The following COL21A1 variants were observed in gnomAD, a reference collection of about 807,000 sequenced individuals.
COL21A1 encodes the protein collagen type XXI alpha 1 chain.
A neutral mutation model predicts 137.9 loss-of-function variants in COL21A1; 149 were observed. That is an observed-to-expected ratio of 1.08 (90% CI 0.95 to 1.24). The LOEUF is 1.24. Among genes scored for constraint, COL21A1 ranks in the 50% most tolerant of loss-of-function variants. The pLI is 0.00. For synonymous variants in COL21A1, 456 were observed against 391.5 expected (o/e 1.16, Z -1.95); for missense variants, 1,167 against 1,158.4 (o/e 1.01, Z -0.11).
chr6:56,218,757 A>T (rs1481128048), intron 1 of COL21A1, among the ~76,000 whole-genome samples: 1 of 152,088 alleles, frequency 6.6e-6, no homozygotes, highest in Non-Finnish European at 1.5e-5. Flanking sequence ...CAACACCAAC[A>T]ACGCATTTGG....
In COL21A1 at chr6:56,181,903, G is replaced by A. The variant is rs547197019; in HGVS notation, c.88+628C>T. ...ATGAATTAAACTATAGAAGTGTTAA[G>A]CAAGCTTTAAATATTATTGTATTAA... On this transcript the variant is annotated intron_variant, in intron 2 of 29. Transcript: ENST00000244728. Among the ~76,000 whole-genome samples the A allele has an allele frequency of 1.4e-4, 21 of 152,220 alleles. No homozygotes were observed. The East Asian group carries it at 4.1e-3, about 29-fold the overall frequency.
chr6:56,176,904 AGGGGAGGAAG>A (rs1237388395), intron 3 of COL21A1, among the ~76,000 whole-genome samples: 32 of 97,492 alleles, frequency 3.3e-4, no homozygotes, highest in African/African-American at 8.1e-4. Context: ...AAGGGAGGAA[AGGGGAGGAAG>A]GGGGAGGAAG....
chr6:56,139,780 A>T (rs1342568952), intron 12 of COL21A1, among the ~76,000 whole-genome samples: 1 of 152,110 alleles, frequency 6.6e-6, no homozygotes, highest in Non-Finnish European at 1.5e-5. Context: ...GAGGTAAGGA[A>T]CTTTATTCAG....
chr6:56,235,224 T>C (rs983406771), intron 1 of COL21A1, among the ~76,000 whole-genome samples: 2 of 151,882 alleles, frequency 1.3e-5, no homozygotes, highest in East Asian at 1.9e-4. Flanking sequence ...GAAATAGCTA[T>C]GAATAGCAAT....
intron 1 of COL21A1, among the ~76,000 whole-genome samples, chr6:56,346,337 T>G (rs1765597121): frequency 6.6e-6 from 1 of 152,236 alleles, no homozygotes; most frequent in South Asian, 2.1e-4. Flanking sequence ...GGTGGATTGA[T>G]ACAGCATGTA....
intron 27 of COL21A1, 44 bp from the exon 28 acceptor site, chr6:56,060,262 A>G (rs766702190): frequency 1.3e-4 from 186 of 1,431,758 alleles, no homozygotes; most frequent in Non-Finnish European, 1.7e-4. Context: ...TTAAATGGTG[A>G]GTTGGTGTTA....
intron 17 of COL21A1, among the ~76,000 whole-genome samples, chr6:56,096,853 A>G (rs1769365943): frequency 1.3e-5 from 2 of 152,190 alleles, no homozygotes; most frequent in African/African-American, 4.8e-5. Context: ...CATTTATTAC[A>G]ACTACTTAAA....
At chr6:56,114,623 A>ATGGTGT (rs1771747419) in intron 16 of COL21A1, among the ~76,000 whole-genome samples, 1 of 151,866 alleles carries the variant, frequency 6.6e-6, no homozygotes, top group Non-Finnish European at 1.5e-5. Context: ...CCACAATGAG[A>ATGGTGT]TACCATCTCA....
At chr6:56,122,857 C>A (rs998913053) in intron 16 of COL21A1, among the ~76,000 whole-genome samples, 1 of 152,116 alleles carries the variant, frequency 6.6e-6, no homozygotes, top group Non-Finnish European at 1.5e-5. Flanking sequence ...AGATAGGTAA[C>A]ATTTACTCTA....
chr6:56,098,925 C>T (rs1195596767), intron 17 of COL21A1, among the ~76,000 whole-genome samples: 2 of 149,958 alleles, frequency 1.3e-5, no homozygotes, highest in African/African-American at 4.9e-5. Flanking sequence ...CCGTGTTAGC[C>T]AGGATGGTCT....
rs772631267 is a variant in COL21A1, at chr6:56,170,686, C to A, written c.989G>T (p.Gly330Val). Residue 330 changes from glycine to valine, a missense_variant, in exon 5 of 30, where the codon GGC becomes GTC. Gly to Val is a moderately radical substitution (Grantham distance 109, BLOSUM62 -3). Coordinates refer to ENST00000244728, the MANE Select transcript of COL21A1 (RefSeq NM_030820.4). ...GTTAGCAAAGGTAACCACTTGTGAG[C>A]CATTAATTACGCTGGTTGTTGTAAA... is the stretch of plus-strand genomic sequence containing the variant. ...LLFTTTSVIN[G>V]SQVVTFANPQ... 6.2e-7 allele frequency: 1 copy of A among 1,602,880 alleles called. No individual in the cohort carries two copies. Among genetic ancestry groups the A allele is most frequent in the South Asian group, 1.1e-5 (1 of 89,510 alleles).
At chr6:56,122,499 G>A (rs1772642481) in intron 16 of COL21A1, among the ~76,000 whole-genome samples, 1 of 152,024 alleles carries the variant, frequency 6.6e-6, no homozygotes, top group Admixed American at 6.5e-5. Flanking sequence ...ATTTTTAATA[G>A]GGCATGGTGT....
chr6:56,305,185 G>A (rs1764411832), intron 1 of COL21A1, among the ~76,000 whole-genome samples: 1 of 152,138 alleles, frequency 6.6e-6, no homozygotes, highest in South Asian at 2.1e-4. Context: ...AGTGTGGTGT[G>A]GTGCTGAGAA....
intron 1 of COL21A1, among the ~76,000 whole-genome samples, chr6:56,302,740 C>G (rs1234198404): frequency 8.0e-5 from 12 of 150,688 alleles, no homozygotes; most frequent in Non-Finnish European, 1.3e-4. Flanking sequence ...TTAATTAGAT[C>G]CCATTTGTCA....
At chr6:56,271,607 T>C (rs533981022) in intron 1 of COL21A1, among the ~76,000 whole-genome samples, 1 of 152,290 alleles carries the variant, frequency 6.6e-6, no homozygotes, top group African/African-American at 2.4e-5. Context: ...AGGTGCTGAA[T>C]ATTAAGAGTC....
At chr6:56,205,857 C>A (rs191035362) in intron 1 of COL21A1, among the ~76,000 whole-genome samples, 1 of 152,116 alleles carries the variant, frequency 6.6e-6, no homozygotes, top group African/African-American at 2.4e-5. Flanking sequence ...GAATTTGCAA[C>A]GCAGAATTTC....
intron 16 of COL21A1, among the ~76,000 whole-genome samples, chr6:56,117,649 T>A (rs749600486): frequency 6.6e-6 from 1 of 151,954 alleles, no homozygotes; most frequent in Non-Finnish European, 1.5e-5. Flanking sequence ...TTTCTTAGCA[T>A]GTGGATTATT....
intron 1 of COL21A1, among the ~76,000 whole-genome samples, chr6:56,316,150 A>G (rs1227292804): frequency 6.6e-6 from 1 of 152,180 alleles, no homozygotes; most frequent in Non-Finnish European, 1.5e-5. Flanking sequence ...ATATGTATAC[A>G]CTGTGAAGTG....
chr6:56,297,079 G>A (rs1479365621), intron 1 of COL21A1, among the ~76,000 whole-genome samples: 2 of 151,866 alleles, frequency 1.3e-5, no homozygotes, highest in African/African-American at 4.8e-5. Flanking sequence ...TTATTAAATT[G>A]CCAATCTCCC....
Sources: allele counts gnomAD v4.1 joint callset (sites outside exome capture counted in the v4.1 genomes callset), GRCh38; gene constraint gnomAD v4.1.1; transcripts MANE v1.5; gene names NCBI Gene and HGNC (gene_info 2026-07-23, HGNC 2026-07-21).